ARAP2: variants seen among roughly 807,000 people sequenced by gnomAD.
The protein encoded by ARAP2 is arf-GAP with Rho-GAP domain, ANK repeat and PH domain-containing protein 2.
ARAP2 carries 148 observed loss-of-function variants against 194.5 expected under a neutral mutation model. The ratio of observed to expected loss-of-function variants is 0.76; its 90% confidence interval spans 0.67 to 0.87. The LOEUF (loss-of-function observed/expected upper bound fraction) is 0.87, where lower values mean the gene tolerates loss of function less well. Ranked by LOEUF, ARAP2 falls within the 40% of genes least tolerant of loss-of-function variation. ARAP2 has a pLI of 0.00. For missense variants in ARAP2, 2,128 were observed against 1,989.7 expected (o/e 1.07, Z -1.32); for synonymous variants, 695 against 683.5 (o/e 1.02, Z -0.26).
exon 9 of ARAP2, chr4:36,012,790 A>C (rs6531404): frequency 0.78 from 118,338 of 152,102 alleles, 46,405 homozygotes; most frequent in African/African-American, 0.88. Flanking sequence ...ATGGTCAGAA[A>C]TCCTGTGGGG....
intron 1 of ARAP2, among the ~76,000 whole-genome samples, chr4:36,239,069 A>T (rs914549044): frequency 1.3e-5 from 2 of 152,122 alleles, no homozygotes; most frequent in Non-Finnish European, 2.9e-5. Flanking sequence ...TGAGGTCAGG[A>T]GTTTGAGACC....
intron 27 of ARAP2, among the ~76,000 whole-genome samples, chr4:36,096,374 A>AAAAAGAAAAAAG (rs1553899091): frequency 1.4e-5 from 2 of 142,084 alleles, no homozygotes; most frequent in African/African-American, 5.9e-5. Context: ...AAAAAAAAAA[A>AAAAAGAAAAAAG]AAAAAAGAAA....
At chr4:36,029,288 T>C (rs537615755) in intron 5 of ARAP2, among the ~76,000 whole-genome samples, 127 of 152,166 alleles carry the variant, frequency 8.3e-4, no homozygotes, top group African/African-American at 2.9e-3. Flanking sequence ...ACTGCTGTAT[T>C]TGCTGCACTA....
chr4:36,011,289 T>C (rs543765682), intron 9 of ARAP2, among the ~76,000 whole-genome samples: 10 of 152,292 alleles, frequency 6.6e-5, no homozygotes, highest in African/African-American at 2.4e-4. Flanking sequence ...TAAGGGAACG[T>C]CTGTATTTGT....
intron 26 of ARAP2, among the ~76,000 whole-genome samples, chr4:36,112,456 A>G (rs1177254257): frequency 2.0e-5 from 3 of 151,998 alleles, no homozygotes; most frequent in Non-Finnish European, 4.4e-5. Flanking sequence ...TGGTGGAACA[A>G]TGTAAACCAA....
intron 19 of ARAP2, among the ~76,000 whole-genome samples, chr4:36,135,266 G>A (rs1156861798): frequency 6.6e-6 from 1 of 151,730 alleles, no homozygotes; most frequent in African/African-American, 2.4e-5. Context: ...AATAAGGAAT[G>A]TAATCTTTTA....
intron 22 of ARAP2, among the ~76,000 whole-genome samples, chr4:36,121,878 T>C (rs1722757678): frequency 6.6e-6 from 1 of 151,706 alleles, no homozygotes; most frequent in Non-Finnish European, 1.5e-5. Context: ...CAAGGCAGAC[T>C]ACTTTAAAAT....
chr4:36,010,615 G>C (rs916437628), intron 9 of ARAP2, among the ~76,000 whole-genome samples: 1 of 152,052 alleles, frequency 6.6e-6, no homozygotes, highest in African/African-American at 2.4e-5. Context: ...CCATCCTGCT[G>C]CTCCCTCATC....
intron 9 of ARAP2, among the ~76,000 whole-genome samples, chr4:36,009,816 C>A (rs1419610322): frequency 7.3e-6 from 1 of 136,064 alleles, no homozygotes; most frequent in South Asian, 2.3e-4. Context: ...ATGGAGAAGG[C>A]AATTCTATAT....
intron 5 of ARAP2, among the ~76,000 whole-genome samples, chr4:36,043,794 AGAAGGGAAGG>A (rs1229545018): frequency 7.4e-5 from 2 of 26,898 alleles, no homozygotes; most frequent in African/African-American, 2.0e-4. Context: ...AGAAGAGAAG[AGAAGGGAAGG>A]GAAGGGAAGG....
chr4:36,126,318 C>T (rs1723892689), intron 21 of ARAP2, among the ~76,000 whole-genome samples: 1 of 151,882 alleles, frequency 6.6e-6, no homozygotes. Flanking sequence ...AAAAGTCATG[C>T]TAGTATGCAT....
At chr4:36,128,283 A>T (rs1432122444) in intron 21 of ARAP2, among the ~76,000 whole-genome samples, 5 of 151,976 alleles carry the variant, frequency 3.3e-5, no homozygotes, top group Non-Finnish European at 7.4e-5. Flanking sequence ...AATCCATTGA[A>T]AACTAAGTAT....
intron 27 of ARAP2, among the ~76,000 whole-genome samples, chr4:36,101,462 A>G (rs550357520): frequency 1.1e-4 from 16 of 150,928 alleles, no homozygotes; most frequent in Non-Finnish European, 1.9e-4. Flanking sequence ...TTGTTTTCCT[A>G]TACTGTTTTC....
At chr4:36,182,790 G>A (rs1739588131) in intron 8 of ARAP2, among the ~76,000 whole-genome samples, 1 of 152,168 alleles carries the variant, frequency 6.6e-6, no homozygotes, top group Non-Finnish European at 1.5e-5. Flanking sequence ...AGCACCTGAG[G>A]CTTCTATTTG....
chr4:36,100,333 G>A (rs1010840990), intron 27 of ARAP2, among the ~76,000 whole-genome samples: 4 of 151,676 alleles, frequency 2.6e-5, no homozygotes, highest in African/African-American at 7.3e-5. Flanking sequence ...TATTTTTCGT[G>A]GTCTGCATGT....
intron 3 of ARAP2, among the ~76,000 whole-genome samples, chr4:36,047,505 C>A (rs1396525488): frequency 6.6e-6 from 1 of 152,146 alleles, no homozygotes; most frequent in Non-Finnish European, 1.5e-5. Context: ...TAGATTCATG[C>A]TTTCTTTTAT....
At chr4:36,147,222 A>C (rs916633612) in intron 19 of ARAP2, 74 bp downstream of exon 19, 9 of 1,343,844 alleles carry the variant, frequency 6.7e-6, no homozygotes, top group Non-Finnish European at 9.5e-6. Flanking sequence ...TTCTCCCTCA[A>C]GATAATAACA....
intron 20 of ARAP2, among the ~76,000 whole-genome samples, chr4:36,130,996 G>T (rs1288527243): frequency 6.6e-6 from 1 of 151,700 alleles, no homozygotes; most frequent in African/African-American, 2.4e-5. Flanking sequence ...AAAAATTAAA[G>T]CCCTAAGAGT....
chr4:36,103,310 A>T (rs974028404), intron 27 of ARAP2, among the ~76,000 whole-genome samples: 1 of 151,676 alleles, frequency 6.6e-6, no homozygotes, highest in Non-Finnish European at 1.5e-5. Flanking sequence ...TTTCATTCTC[A>T]TGTATCATAT....
Sources: allele counts gnomAD v4.1 joint callset (sites outside exome capture counted in the v4.1 genomes callset), GRCh38; gene constraint gnomAD v4.1.1; transcripts MANE v1.5; gene names NCBI Gene and HGNC (gene_info 2026-07-23, HGNC 2026-07-21).